CHD2: variants seen among roughly 807,000 people sequenced by gnomAD.
CHD2 encodes the protein ATP-dependent chromatin remodeler CHD2.
Under a neutral mutation model 243.9 loss-of-function variants are expected in CHD2, and 28 were observed. The observed-to-expected ratio is 0.11, with a 90% CI of 0.09 to 0.16. The LOEUF (loss-of-function observed/expected upper bound fraction) is 0.16. Among genes scored for constraint, CHD2 ranks in the 10% least tolerant of loss-of-function variants. CHD2 has a pLI of 1.00. For missense variants in CHD2, 1,386 were observed against 2,209.8 expected, an observed-to-expected ratio of 0.63 and a Z score of 7.47; for synonymous variants, 775 against 779.0, an observed-to-expected ratio of 0.99 and a Z score of 0.09.
chr15:92,990,533 T>C (rs2054103765), intron 26 of CHD2, among the ~76,000 whole-genome samples: 1 of 152,214 alleles, frequency 6.6e-6, no homozygotes, highest in Non-Finnish European at 1.5e-5. Context: ...ACATAAAATA[T>C]TTCAGTGTCT....
At chr15:92,969,181 C>G (rs1488197028) in intron 17 of CHD2, among the ~76,000 whole-genome samples, 1 of 152,214 alleles carries the variant, frequency 6.6e-6, no homozygotes. Flanking sequence ...TCTGGCAACT[C>G]TAGATACTTC....
At chr15:92,917,475 C>T (rs113461910) in intron 2 of CHD2, among the ~76,000 whole-genome samples, 308 of 152,268 alleles carry the variant, frequency 2.0e-3, no homozygotes, top group African/African-American at 6.8e-3. Context: ...GCAGGAGAAT[C>T]GCATGAACCC....
chr15:92,901,381 A>G, intron 2 of CHD2, 82 bp downstream of exon 2: 1 of 815,938 alleles, frequency 1.2e-6, no homozygotes, highest in Non-Finnish European at 2.1e-6. Flanking sequence ...CTTGACAGAC[A>G]TGGATTGCTG....
intron 13 of CHD2, 161 bp downstream of exon 13, chr15:92,949,237 C>G: frequency 6.9e-7 from 1 of 1,443,142 alleles, no homozygotes; most frequent in South Asian, 1.6e-5. Context: ...GAGAGAAATG[C>G]TTCCTGGGAG....
intron 2 of CHD2, among the ~76,000 whole-genome samples, chr15:92,906,572 C>A (rs1385796607): frequency 1.3e-5 from 2 of 152,070 alleles, no homozygotes; most frequent in Non-Finnish European, 2.9e-5. Context: ...ATCATTTCTC[C>A]CATAAAATTT....
intron 38 of CHD2, chr15:93,022,229 G>T (rs761241654): frequency 1.3e-5 from 2 of 152,220 alleles, no homozygotes; most frequent in Non-Finnish European, 2.9e-5. Flanking sequence ...AGGCCTCAGG[G>T]AGCTTTTACT....
chr15:92,904,487 C>T (rs1206670056), intron 2 of CHD2: 16 of 989,978 alleles, frequency 1.6e-5, no homozygotes, highest in Non-Finnish European at 1.8e-5. Flanking sequence ...AGCCGCACGC[C>T]GAGGGGAAAA....
chr15:92,911,821 G>T (rs1390952541), intron 2 of CHD2, among the ~76,000 whole-genome samples: 3 of 152,112 alleles, frequency 2.0e-5, no homozygotes, highest in Non-Finnish European at 2.9e-5. Context: ...TAAAAATCTT[G>T]CATAATTCTG....
chr15:92,948,773 A>T (rs1315804281), intron 12 of CHD2, among the ~76,000 whole-genome samples, 179 bp from the exon 13 acceptor site: 2 of 152,196 alleles, frequency 1.3e-5, no homozygotes, highest in Admixed American at 1.3e-4. Context: ...CGGGAGGCAG[A>T]GCTTGCAGTG....
chr15:93,007,450 CTT>C (rs1261039918), intron 34 of CHD2, among the ~76,000 whole-genome samples: 1 of 152,168 alleles, frequency 6.6e-6, no homozygotes, highest in African/African-American at 2.4e-5. Flanking sequence ...TTACAGGTGT[CTT>C]TTAGTTTTTG....
chr15:93,004,777 A>T (rs775408391), intron 34 of CHD2, 26 bp downstream of exon 34: 3 of 1,605,904 alleles, frequency 1.9e-6, no homozygotes, highest in Non-Finnish European at 2.6e-6. Context: ...GGGGGGTGCC[A>T]GTGTCTGCAG....
chr15:93,006,191 A>G (rs375748388), intron 34 of CHD2, among the ~76,000 whole-genome samples: 3 of 147,378 alleles, frequency 2.0e-5, no homozygotes, highest in Non-Finnish European at 4.5e-5. Context: ...CAGTGGCTCA[A>G]TCTCGGCTCA....
At position 92,955,476 on chromosome 15, in the gene CHD2, A is replaced by G. The variant is rs370425217; in HGVS notation, c.1773A>G (p.Ala591=). ...AAACCAAAAGATTGAAGTTCAACGC[A>G]CTTATAACAACATATGAGATCCTCT... ...HSQTKRLKFN[A]LITTYEILLK... is the part of the protein sequence containing the mutation. The change falls in exon 15 of 39, where the codon GCA becomes GCG. Residue 591 remains alanine, a synonymous_variant. Coordinates refer to ENST00000394196, the MANE Select transcript of CHD2 (RefSeq NM_001271.4). 410 of 1,598,682 alleles carry G rather than the reference A, an allele frequency of 2.6e-4. No homozygotes were observed. Among genetic ancestry groups the G allele is most frequent in the Non-Finnish European group, 3.2e-4 (372 of 1,174,726 alleles).
At chr15:92,911,162 G>T (rs763025971) in intron 2 of CHD2, among the ~76,000 whole-genome samples, 2 of 152,192 alleles carry the variant, frequency 1.3e-5, no homozygotes, top group African/African-American at 2.4e-5. Flanking sequence ...CGAAATGATT[G>T]TGAGAGATTG....
At chr15:92,937,677 A>T in intron 6 of CHD2, 52 bp downstream of exon 6, 1 of 1,307,386 alleles carries the variant, frequency 7.6e-7, no homozygotes. Flanking sequence ...TCTGCTGTAG[A>T]TTGGGAAGGA....
chr15:92,908,141 C>T (rs1056608136), intron 2 of CHD2, among the ~76,000 whole-genome samples: 7 of 151,682 alleles, frequency 4.6e-5, no homozygotes, highest in Non-Finnish European at 7.4e-5. Flanking sequence ...CTACCCACCC[C>T]CACTCCCCCA....
chr15:92,912,367 A>G (rs181170720), intron 2 of CHD2, among the ~76,000 whole-genome samples: 10 of 152,144 alleles, frequency 6.6e-5, no homozygotes, highest in Admixed American at 2.0e-4. Flanking sequence ...TTGTGTGTTG[A>G]CAATCTTGAG....
Position 93,025,236 on chromosome 15 carries a change from A to ACGG in CHD2, c.*531_*532insCGG, listed in dbSNP as rs2054577347. 1.3e-5 allele frequency: 2 copies of ACGG among 152,474 alleles called. No individual in the cohort carries two copies. Among genetic ancestry groups the ACGG allele is most frequent in the Admixed American group, 6.6e-5 (1 of 15,232 alleles). The allele number at this position is 152,474 out of a possible 1,614,324, so 9.4% of individuals were successfully genotyped here. A position where few individuals can be genotyped will look rare whatever the true frequency, so the allele number is the denominator to read the frequency against. On this transcript the variant is annotated 3_prime_UTR_variant, in exon 39 of 39. Transcript: ENST00000394196. Reference sequence around the variant, plus strand: ...GGGTGGGGACAAGCATAGGACTTGAAGGGGAGCAGGTACACCCCTCAAATG... The same window carrying ACGG: ...GGGTGGGGACAAGCATAGGACTTGAACGGGGGGAGCAGGTACACCCCTCAAATG...
At position 92,900,522 on chromosome 15, in the gene CHD2, T is replaced by G. The variant is rs1032173488; in HGVS notation, c.-374T>G. The G allele has an allele frequency of 2.5e-6, 1 of 398,776 alleles. No individual in the cohort carries two copies. The highest frequency in any genetic ancestry group is 2.1e-5 in the African/African-American group (1 of 48,730). The allele number at this position is 398,776 out of a possible 1,614,324, so 24.7% of individuals were successfully genotyped here. A position where few individuals can be genotyped will look rare whatever the true frequency, so the allele number is the denominator to read the frequency against. The stretch of plus-strand genomic sequence containing the variant: ...GGAGAAAAGCAGCTTTTAGGAGCTT[T>G]CTTTTCGTGCCTTGTTGGAAAGAAG... On this transcript the variant is annotated 5_prime_UTR_variant, in exon 1 of 39. Coordinates refer to ENST00000394196, the MANE Select transcript of CHD2 (RefSeq NM_001271.4).
Sources: allele counts gnomAD v4.1 joint callset (sites outside exome capture counted in the v4.1 genomes callset), GRCh38; gene constraint gnomAD v4.1.1; transcripts MANE v1.5; gene names NCBI Gene and HGNC (gene_info 2026-07-23, HGNC 2026-07-21).